POLR3F: variants seen among roughly 807,000 people sequenced by gnomAD.
POLR3F encodes RNA polymerase III subunit F.
A neutral mutation model predicts 43.6 loss-of-function variants in POLR3F; 31 were observed. The ratio of observed to expected loss-of-function variants is 0.71; its 90% CI spans 0.53 to 0.96. POLR3F has a LOEUF of 0.96. POLR3F is among the 40% of genes least tolerant of loss of function. The pLI is 0.00. For missense variants in POLR3F, 316 were observed against 391.7 expected, an observed-to-expected ratio of 0.81 and a Z score of 1.63; for synonymous variants, 114 against 132.5, an observed-to-expected ratio of 0.86 and a Z score of 0.96.
In POLR3F at chr20:18,481,787, C is replaced by T. The variant is rs200897283; in HGVS notation, c.850C>T (p.Arg284Trp). ...AATCATCCCTCCCACAGGTTTGGTC[C>T]GGGCACCCTGTGGACTCTGCCCGGT... Reference protein sequence around the residue: ...NPIIPPTGLVRAPCGLCPVFD... With the variant: ...NPIIPPTGLVWAPCGLCPVFD... Residue 284 changes from arginine to tryptophan, a missense_variant, in exon 8 of 9, where the codon CGG becomes TGG. Arg to Trp is a moderately radical substitution (Grantham distance 101, BLOSUM62 -3). This residue lies in a region of POLR3F where 85 missense variants were observed against 80.2 expected (regional missense o/e 1.06). Transcript: ENST00000377603. The T allele has an allele frequency of 6.5e-5, 105 of 1,613,332 alleles. No individual in the cohort carries two copies. The highest frequency in any genetic ancestry group is 5.2e-4 in the South Asian group (47 of 91,052).
chr20:18,483,683 T>C lies in POLR3F; in HGVS notation c.*125T>C. 1 of 446,470 alleles carries C rather than the reference T, an allele frequency of 2.2e-6. No individual in the cohort carries two copies. Among genetic ancestry groups the C allele is most frequent in the South Asian group, 5.9e-5 (1 of 16,892 alleles). 27.7% of individuals were successfully genotyped at this position (446,470 alleles called of 1,614,324 possible). ...TTCACAATAATGGACGTAGACTTGCTGCTATGAAAACATATTTTTTTTATT... is the reference window on the plus strand; with the variant it reads ...TTCACAATAATGGACGTAGACTTGCCGCTATGAAAACATATTTTTTTTATT... On this transcript the variant is annotated 3_prime_UTR_variant, in exon 9 of 9. Transcript: ENST00000377603.
chr20:18,479,976 GTGTTTT>G, intron 5 of POLR3F, 56 bp from the exon 6 acceptor site: 1 of 1,208,644 alleles, frequency 8.3e-7, no homozygotes. Context: ...CAAAATATAG[GTGTTTT>G]TGTTTTTGGA....
chr20:18,483,715 G>C lies in POLR3F; in HGVS notation c.*157G>C. 1 of 427,914 alleles carries C rather than the reference G, an allele frequency of 2.3e-6. No individual in the cohort carries two copies. The highest frequency in any genetic ancestry group is 4.1e-6 in the Non-Finnish European group (1 of 244,148). 26.5% of individuals were successfully genotyped at this position (427,914 alleles called of 1,614,324 possible). ...AAAACATATTTTTTTTATTTATGAA[G>C]ACTAAATTTATATTGGTAAAATAGC... On this transcript the variant is annotated 3_prime_UTR_variant, in exon 9 of 9. Transcript: ENST00000377603.
Position 18,472,891 on chromosome 20 carries a change from A to G in POLR3F, c.230A>G (p.Lys77Arg), listed in dbSNP as rs776454367. The change falls in exon 3 of 9, where the codon AAG becomes AGG. Residue 77 changes from lysine (K) to arginine (R), a missense_variant. Coordinates refer to ENST00000377603, the MANE Select transcript of POLR3F (RefSeq NM_006466.4). ...AATACGGGCCTTTTATATAGAATAA[A>G]GGACTCTCAGAATGCTGGGTAAGTA... ...RSNTGLLYRI[K>R]DSQNAGKMKG... The G allele has an allele frequency of 1.3e-4, 187 of 1,484,708 alleles. 1 individual carries two copies. In the Middle Eastern group the frequency reaches 2.5e-3, roughly 20 times the overall value. 92.0% of individuals were successfully genotyped at this position (1,484,708 alleles called of 1,614,324 possible).
chr20:18,483,623 T>TAGGGAG lies in POLR3F; in HGVS notation c.*65_*66insAGGGAG. ...TTACTTAGGGAGCAGATAATTTAAT[T>TAGGGAG]CATGATGGAACACGAAATCTCCTTG... On this transcript the variant is annotated 3_prime_UTR_variant, in exon 9 of 9. Transcript: ENST00000377603. 5 of 674,142 alleles carry TAGGGAG rather than the reference T, an allele frequency of 7.4e-6. No homozygotes were observed. The highest frequency in any genetic ancestry group is 1.0e-5 in the Non-Finnish European group (4 of 396,346). The allele number at this position is 674,142 out of a possible 1,614,324, so 41.8% of individuals were successfully genotyped here. A position where few individuals can be genotyped will look rare whatever the true frequency, so the allele number is the denominator to read the frequency against.
In POLR3F at chr20:18,480,385, T is replaced by C. The variant is rs1403308989; in HGVS notation, c.574-17T>C. 6.5e-7 allele frequency: 1 copy of C among 1,532,570 alleles called. No individual in the cohort carries two copies. The highest frequency in any genetic ancestry group is 9.0e-7 in the Non-Finnish European group (1 of 1,106,730). 94.9% of individuals were successfully genotyped at this position (1,532,570 alleles called of 1,614,324 possible). ...CCAATATTCTTATTTACATTTCTTA[T>C]GTTTCAATCCTTATAGGCAGAAACA... is the stretch of plus-strand genomic sequence containing the variant. On this transcript the variant is annotated splice_polypyrimidine_tract_variant and intron_variant, in intron 6 of 8. Coordinates refer to ENST00000377603, the MANE Select transcript of POLR3F (RefSeq NM_006466.4).
chr20:18,477,073 CA>C (rs1229853845), intron 5 of POLR3F, among the ~76,000 whole-genome samples: 12 of 109,890 alleles, frequency 1.1e-4, no homozygotes, highest in African/African-American at 4.1e-4. Flanking sequence ...AACTCCATCT[CA>C]AAAAAAGAAA....
At chr20:18,483,127 C>T (rs113963021) in intron 8 of POLR3F, among the ~76,000 whole-genome samples, 10 of 152,096 alleles carry the variant, frequency 6.6e-5, no homozygotes, top group South Asian at 4.2e-4. Flanking sequence ...TGCAGTGGCA[C>T]GATCTTGGCT....
At chr20:18,473,566 G>A in intron 4 of POLR3F, 108 bp downstream of exon 4, 1 of 554,794 alleles carries the variant, frequency 1.8e-6, no homozygotes. Flanking sequence ...AGTATACTGA[G>A]GAAGGTAATA....
chr20:18,480,440 AC>A lies in POLR3F; in HGVS notation c.613del (p.Gln205LysfsTer24). The A allele has an allele frequency of 6.2e-7, 1 of 1,612,516 alleles. No homozygotes were observed. Among genetic ancestry groups the A allele is most frequent in the East Asian group, 2.2e-5 (1 of 44,854 alleles). ...ARESKQNPMIQRNSSFASSHE... is the reference protein window; with the variant it reads ...ARESKQNPMIXRNSSFASSHE... The stretch of plus-strand genomic sequence containing the variant: ...GAGAAAGCAAACAGAACCCAATGAT[AC>A]AAAGAAATAGTTCATTTGCCTCATC... On this transcript the variant is annotated frameshift_variant, in exon 7 of 9. Coordinates refer to ENST00000377603, the MANE Select transcript of POLR3F (RefSeq NM_006466.4). LOFTEE classifies it high-confidence loss of function.
At chr20:18,479,398 G>A (rs190001267) in intron 5 of POLR3F, among the ~76,000 whole-genome samples, 72 of 152,280 alleles carry the variant, frequency 4.7e-4, no homozygotes, top group Non-Finnish European at 9.1e-4. Context: ...GGGAGGCTGA[G>A]GCAGGAGAAT....
At chr20:18,480,537 T>A (rs779420238) in intron 7 of POLR3F, 28 bp downstream of exon 7, 2 of 1,297,360 alleles carry the variant, frequency 1.5e-6, no homozygotes, top group East Asian at 2.3e-5. Context: ...TCTTATTTTT[T>A]AAAACTTATT....
At chr20:18,471,357 C>T (rs930854006) in intron 2 of POLR3F, among the ~76,000 whole-genome samples, 10 of 152,026 alleles carry the variant, frequency 6.6e-5, no homozygotes, top group Admixed American at 2.0e-4. Flanking sequence ...AGTCACTGAA[C>T]CCCCCCAGGT....
In POLR3F at chr20:18,481,809, C is replaced by T. The variant is rs571620928; in HGVS notation, c.872C>T (p.Pro291Leu). 32 of 1,605,594 alleles carry T rather than the reference C, an allele frequency of 2.0e-5. No homozygotes were observed. The highest frequency in any genetic ancestry group is 8.4e-5 in the Admixed American group (5 of 59,702). ...GTCCGGGCACCCTGTGGACTCTGCCCGGTGAGTTAAAGTGGCTTCACTTTA... is the reference window on the plus strand; with the variant it reads ...GTCCGGGCACCCTGTGGACTCTGCCTGGTGAGTTAAAGTGGCTTCACTTTA... ...GLVRAPCGLCPVFDDCHEGGE... is the reference protein window; with the variant it reads ...GLVRAPCGLCLVFDDCHEGGE... The change falls in exon 8 of 9, where the codon CCG becomes CTG. Residue 291 changes from proline (P) to leucine (L), a missense_variant and splice_region_variant. Pro to Leu is a moderately conservative substitution (Grantham distance 98). This residue lies in a region of POLR3F where 85 missense variants were observed against 80.2 expected (regional missense o/e 1.06). Transcript: ENST00000377603.
intron 2 of POLR3F, among the ~76,000 whole-genome samples, chr20:18,471,373 CG>C (rs2059749828): frequency 6.6e-6 from 1 of 152,176 alleles, no homozygotes; most frequent in Non-Finnish European, 1.5e-5. Context: ...CAGGTTGGGC[CG>C]CAGCCTGTTC....
intron 6 of POLR3F, 30 bp from the exon 7 acceptor site, chr20:18,480,372 T>C (rs755631428): frequency 6.2e-6 from 9 of 1,460,388 alleles, no homozygotes; most frequent in Non-Finnish European, 8.6e-6. Context: ...AATATTCTTA[T>C]TTACATTTCT....
In POLR3F at chr20:18,473,511, T is replaced by C. The variant is rs182689753; in HGVS notation, c.316+53T>C. Reference sequence around the variant, plus strand: ...AAAACATTGTCTTTGGAACTAGATATAGGGACCCAGATCTCAGCTTCCCAG... The same window carrying C: ...AAAACATTGTCTTTGGAACTAGATACAGGGACCCAGATCTCAGCTTCCCAG... On this transcript the variant is annotated intron_variant, in intron 4 of 8. Coordinates refer to ENST00000377603, the MANE Select transcript of POLR3F (RefSeq NM_006466.4). 1.0e-4 allele frequency: 86 copies of C among 860,852 alleles called. 1 individual carries two copies. The African/African-American group carries it at 1.4e-3, about 14-fold the overall frequency. The allele number at this position is 860,852 out of a possible 1,614,324, so 53.3% of individuals were successfully genotyped here.
intron 5 of POLR3F, among the ~76,000 whole-genome samples, chr20:18,479,568 G>A (rs1463287226): frequency 2.0e-5 from 3 of 152,170 alleles, no homozygotes; most frequent in Non-Finnish European, 4.4e-5. Flanking sequence ...GGAACCAAGT[G>A]AAAAGCTTCC....
At chr20:18,482,631 T>G (rs1246900384) in intron 8 of POLR3F, among the ~76,000 whole-genome samples, 1 of 152,162 alleles carries the variant, frequency 6.6e-6, no homozygotes, top group Non-Finnish European at 1.5e-5. Context: ...TCCTCCTTCA[T>G]TCATTCCCAA....
Sources: allele counts gnomAD v4.1 joint callset (sites outside exome capture counted in the v4.1 genomes callset), GRCh38; gene constraint gnomAD v4.1.1; regional missense constraint gnomAD v4.1.1; transcripts MANE v1.5; gene names NCBI Gene and HGNC (gene_info 2026-07-23, HGNC 2026-07-21).